DGKB: variants seen among roughly 807,000 people sequenced by gnomAD.
DGKB encodes the protein 90 kDa diacylglycerol kinase.
In DGKB, 67 loss-of-function variants were observed where a neutral mutation model predicts 114.3. The ratio of observed to expected loss-of-function variants is 0.59; its 90% confidence interval spans 0.48 to 0.72. The LOEUF is 0.72. Among genes scored for constraint, DGKB ranks in the 30% least tolerant of loss-of-function variants. The pLI is 0.00. For synonymous variants in DGKB, 398 were observed against 323.1 expected (o/e 1.23, Z -2.49); for missense variants, 907 against 975.2 (o/e 0.93, Z 0.93).
At chr7:14,466,694 T>C (rs1780525632) in intron 21 of DGKB, among the ~76,000 whole-genome samples, 1 of 151,238 alleles carries the variant, frequency 6.6e-6, no homozygotes, top group South Asian at 2.1e-4. Flanking sequence ...GGTGCACATC[T>C]GTAGTCCCAG....
chr7:14,559,648 T>C (rs995389125), intron 20 of DGKB, among the ~76,000 whole-genome samples: 1 of 152,328 alleles, frequency 6.6e-6, no homozygotes, highest in Admixed American at 6.5e-5. Context: ...CATGAATTTA[T>C]TAAATTATTT....
In DGKB at chr7:14,471,245, A is replaced by G. The variant is rs1263625057; in HGVS notation, c.1835+6916T>C. ...ATATATGTATGGAATATATGTATAC[A>G]TACATATATGTGTATGGAATATATG... On this transcript the variant is annotated intron_variant, in intron 21 of 25. Transcript: ENST00000402815. 1.2e-4 allele frequency among the ~76,000 whole-genome samples: 17 copies of G among 140,402 alleles called. 2 individuals are homozygous for G. The highest frequency in any genetic ancestry group is 4.1e-4 in the African/African-American group (14 of 34,510). The allele number at this position is 140,402 out of a possible 152,430, so 92.1% of individuals were successfully genotyped here.
chr7:14,810,464 A>C (rs2128077762), intron 2 of DGKB, among the ~76,000 whole-genome samples: 1 of 152,346 alleles, frequency 6.6e-6, no homozygotes, highest in Non-Finnish European at 1.5e-5. Flanking sequence ...GCTTTGTAGT[A>C]GCCATATCAG....
At chr7:14,847,042 G>C (rs1183337519) in intron 1 of DGKB, among the ~76,000 whole-genome samples, 1 of 152,116 alleles carries the variant, frequency 6.6e-6, no homozygotes, top group African/African-American at 2.4e-5. Flanking sequence ...TGTAATCCCA[G>C]GACTTTGGGA....
intron 23 of DGKB, among the ~76,000 whole-genome samples, chr7:14,302,337 A>G (rs1321567826): frequency 6.6e-6 from 1 of 152,116 alleles, no homozygotes; most frequent in East Asian, 1.9e-4. Context: ...GTGTACACAT[A>G]TGATCACTTT....
chr7:14,888,468 C>T (rs759545125), intron 1 of DGKB, among the ~76,000 whole-genome samples: 1 of 151,656 alleles, frequency 6.6e-6, no homozygotes, highest in Non-Finnish European at 1.5e-5. Context: ...AGCCGTACAT[C>T]GGAAAGTTGT....
chr7:14,563,944 C>T (rs908467518), intron 20 of DGKB, among the ~76,000 whole-genome samples: 2 of 152,144 alleles, frequency 1.3e-5, no homozygotes, highest in African/African-American at 4.8e-5. Context: ...ATGGTTTCTG[C>T]TAGCACAAGC....
intron 13 of DGKB, among the ~76,000 whole-genome samples, chr7:14,658,396 G>A (rs1816298259): frequency 6.6e-6 from 1 of 151,930 alleles, no homozygotes; most frequent in African/African-American, 2.4e-5. Flanking sequence ...GTAGAATGAT[G>A]GTTATCAGAG....
chr7:14,572,700 C>T (rs1203933280), intron 20 of DGKB, among the ~76,000 whole-genome samples: 1 of 152,080 alleles, frequency 6.6e-6, no homozygotes, highest in Non-Finnish European at 1.5e-5. Flanking sequence ...ATATTTGATA[C>T]CTCCATGCCA....
intron 21 of DGKB, among the ~76,000 whole-genome samples, chr7:14,404,495 T>G (rs1339772588): frequency 6.6e-6 from 1 of 151,976 alleles, no homozygotes; most frequent in African/African-American, 2.4e-5. Flanking sequence ...TGCTATACAC[T>G]GTTCCTTAAA....
chr7:14,912,305 GT>G (rs759025774), intron 1 of DGKB, among the ~76,000 whole-genome samples: 3 of 152,064 alleles, frequency 2.0e-5, no homozygotes, highest in Non-Finnish European at 4.4e-5. Flanking sequence ...GTTTCTTTTA[GT>G]TAGTCAACTA....
At chr7:14,817,815 C>T (rs188234815) in intron 2 of DGKB, among the ~76,000 whole-genome samples, 127 of 152,040 alleles carry the variant, frequency 8.4e-4, no homozygotes, top group African/African-American at 2.8e-3. Context: ...AATGATATAG[C>T]GCAAAGTGAA....
At chr7:14,483,033 G>C (rs908603630) in intron 20 of DGKB, among the ~76,000 whole-genome samples, 1 of 151,590 alleles carries the variant, frequency 6.6e-6, no homozygotes, top group Non-Finnish European at 1.5e-5. Flanking sequence ...AGAAGTTAAC[G>C]TTTTGGTTTT....
chr7:14,768,448 G>A (rs1357845199), intron 2 of DGKB, among the ~76,000 whole-genome samples: 2 of 146,894 alleles, frequency 1.4e-5, no homozygotes, highest in Non-Finnish European at 3.0e-5. Flanking sequence ...CTGATTCTAT[G>A]ATAGTGCATA....
At chr7:14,274,079 A>G (rs1166607008) in intron 23 of DGKB, among the ~76,000 whole-genome samples, 1 of 152,194 alleles carries the variant, frequency 6.6e-6, no homozygotes, top group Non-Finnish European at 1.5e-5. Flanking sequence ...ATAGGAGTTC[A>G]TAAGTTGCTT....
Position 14,714,604 on chromosome 7 carries a change from A to G in DGKB, c.466+3938T>C, listed in dbSNP as rs141920443. ...ACACTTAATGAGTAAGATGATGATTAAATAGGTAGGTGTTTGGAAAAAAAA... is the reference window on the plus strand; with the variant it reads ...ACACTTAATGAGTAAGATGATGATTGAATAGGTAGGTGTTTGGAAAAAAAA... On this transcript the variant is annotated intron_variant, in intron 6 of 25. Transcript: ENST00000402815. Among the ~76,000 whole-genome samples, 7 of 152,276 alleles carry G rather than the reference A, an allele frequency of 4.6e-5. No individual in the cohort carries two copies. In the East Asian group the frequency reaches 1.4e-3, roughly 29 times the overall value.
intron 2 of DGKB, among the ~76,000 whole-genome samples, chr7:14,826,149 G>A (rs1388837953): frequency 6.6e-6 from 1 of 152,094 alleles, no homozygotes; most frequent in Non-Finnish European, 1.5e-5. Context: ...CAAACAACTT[G>A]GCTGACCTCA....
At chr7:14,729,723 CT>C (rs1327393306) in intron 5 of DGKB, among the ~76,000 whole-genome samples, 1 of 152,132 alleles carries the variant, frequency 6.6e-6, no homozygotes, top group African/African-American at 2.4e-5. Context: ...GCACCTCACT[CT>C]TTTCTCCACA....
rs1733799518 is a variant in DGKB at position 14,313,059 on chromosome 7, T to A, written c.2122+25456A>T. On this transcript the variant is annotated intron_variant, in intron 23 of 25. Coordinates refer to ENST00000402815, the MANE Select transcript of DGKB (RefSeq NM_001350709.2). The stretch of plus-strand genomic sequence containing the variant: ...ACCTGTAGATTTTAATGCAAAAGAG[T>A]ACAAAAAATTGATTGATGTTTCTAT... 2.0e-5 allele frequency among the ~76,000 whole-genome samples: 3 copies of A among 152,252 alleles called. No individual in the cohort carries two copies. In the South Asian group the frequency reaches 6.2e-4, roughly 32 times the overall value.
Sources: allele counts gnomAD v4.1 joint callset (sites outside exome capture counted in the v4.1 genomes callset), GRCh38; gene constraint gnomAD v4.1.1; transcripts MANE v1.5; gene names NCBI Gene and HGNC (gene_info 2026-07-23, HGNC 2026-07-21).